EDIL3: variants seen among roughly 807,000 people sequenced by gnomAD.
EDIL3 encodes the protein EGF-like repeat and discoidin I-like domain-containing protein 3.
Under a neutral mutation model 67.4 loss-of-function variants are expected in EDIL3, and 37 were observed. That is an observed-to-expected ratio of 0.55 (90% CI 0.42 to 0.72). The LOEUF (loss-of-function observed/expected upper bound fraction) is 0.72, where lower values mean the gene tolerates loss of function less well. Among genes scored for constraint, EDIL3 ranks in the 30% least tolerant of loss-of-function variants. The pLI is 0.00. For synonymous variants in EDIL3, 195 were observed against 196.3 expected (o/e 0.99, Z 0.05); for missense variants, 527 against 586.3 (o/e 0.90, Z 1.04).
chr5:84,298,805 C>T (rs1746099657), intron 1 of EDIL3, among the ~76,000 whole-genome samples: 2 of 152,122 alleles, frequency 1.3e-5, no homozygotes, highest in Non-Finnish European at 2.9e-5. Flanking sequence ...CCATTCTTGA[C>T]AACACTCTGT....
At chr5:84,171,636 G>A (rs143273700) in intron 4 of EDIL3, among the ~76,000 whole-genome samples, 190 of 152,270 alleles carry the variant, frequency 1.2e-3, no homozygotes, top group Non-Finnish European at 1.7e-3. Context: ...AAGGTTGTGC[G>A]ATTACACATT....
intron 9 of EDIL3, among the ~76,000 whole-genome samples, chr5:84,045,078 G>A (rs1364464289): frequency 6.6e-6 from 1 of 152,134 alleles, no homozygotes; most frequent in Admixed American, 6.6e-5. Context: ...TGGCCATGGG[G>A]AGAATGAGAG....
At chr5:84,020,091 A>AAAAAC (rs397998462) in intron 9 of EDIL3, among the ~76,000 whole-genome samples, 6 of 147,864 alleles carry the variant, frequency 4.1e-5, no homozygotes, top group African/African-American at 9.9e-5. Context: ...AAAAAAAAAA[A>AAAAAC]CGCAACAAAC....
chr5:84,234,892 C>A (rs1377944504), intron 2 of EDIL3, among the ~76,000 whole-genome samples: 2 of 152,070 alleles, frequency 1.3e-5, no homozygotes, highest in Non-Finnish European at 2.9e-5. Context: ...TTTTATTCAA[C>A]TGCAGTGATG....
chr5:84,382,701 ACT>A (rs1266642338), intron 1 of EDIL3, among the ~76,000 whole-genome samples: 1 of 151,872 alleles, frequency 6.6e-6, no homozygotes, highest in Non-Finnish European at 1.5e-5. Context: ...CCGTGGAAGC[ACT>A]CTCTTTTTTA....
At chr5:84,352,494 C>T (rs1471126537) in intron 1 of EDIL3, among the ~76,000 whole-genome samples, 1 of 152,060 alleles carries the variant, frequency 6.6e-6, no homozygotes, top group Admixed American at 6.6e-5. Flanking sequence ...GTCTTTGCAG[C>T]AACATGGATG....
At chr5:84,342,965 C>T (rs988401791) in intron 1 of EDIL3, among the ~76,000 whole-genome samples, 3 of 151,984 alleles carry the variant, frequency 2.0e-5, no homozygotes, top group Non-Finnish European at 4.4e-5. Context: ...CTTTCAGAGC[C>T]GAAAGTAAAC....
At chr5:84,110,059 G>A (rs1372106558) in intron 5 of EDIL3, among the ~76,000 whole-genome samples, 5 of 152,064 alleles carry the variant, frequency 3.3e-5, no homozygotes, top group Admixed American at 1.3e-4. Flanking sequence ...AGCCCCTTTC[G>A]AGTAGGAGCT....
intron 9 of EDIL3, among the ~76,000 whole-genome samples, chr5:84,029,865 G>A (rs1386815361): frequency 6.6e-6 from 1 of 152,090 alleles, no homozygotes; most frequent in Non-Finnish European, 1.5e-5. Context: ...ATTGCACCCA[G>A]GGAAAGATAA....
intron 1 of EDIL3, among the ~76,000 whole-genome samples, chr5:84,381,026 T>C (rs773853483): frequency 3.7e-4 from 57 of 152,122 alleles, no homozygotes; most frequent in Non-Finnish European, 6.8e-4. Flanking sequence ...GACATAGTTT[T>C]AATTTAGAAA....
intron 3 of EDIL3, among the ~76,000 whole-genome samples, chr5:84,197,889 T>TG (rs140701096): frequency 0.011 from 1,748 of 152,106 alleles, 38 homozygotes; most frequent in African/African-American, 0.04. Context: ...AAGAAATGGC[T>TG]ATTGAATACA....
At chr5:83,962,322 G>T (rs889395245) in intron 10 of EDIL3, among the ~76,000 whole-genome samples, 11 of 151,406 alleles carry the variant, frequency 7.3e-5, no homozygotes, top group Non-Finnish European at 1.5e-4. Context: ...GAGAGTTTTT[G>T]TTGATGTCTT....
chr5:84,003,965 A>T (rs1444654731), intron 9 of EDIL3, among the ~76,000 whole-genome samples: 2 of 152,034 alleles, frequency 1.3e-5, no homozygotes, highest in East Asian at 3.9e-4. Flanking sequence ...AACTCAAGGT[A>T]AAAGAATGGA....
chr5:84,366,954 G>C (rs10805817), intron 1 of EDIL3, among the ~76,000 whole-genome samples: 1 of 151,998 alleles, frequency 6.6e-6, no homozygotes, highest in Non-Finnish European at 1.5e-5. Context: ...ATTACATTCA[G>C]ATATATTTTA....
intron 3 of EDIL3, among the ~76,000 whole-genome samples, chr5:84,210,238 C>T (rs954172308): frequency 6.6e-6 from 1 of 151,904 alleles, no homozygotes; most frequent in East Asian, 1.9e-4. Flanking sequence ...CAAAACAAGT[C>T]GATTTTATCA....
intron 1 of EDIL3, among the ~76,000 whole-genome samples, chr5:84,360,199 A>G (rs1449194344): frequency 6.6e-6 from 1 of 152,156 alleles, no homozygotes; most frequent in Non-Finnish European, 1.5e-5. Context: ...GGGGAAAATT[A>G]TGTTTGCTGA....
intron 1 of EDIL3, among the ~76,000 whole-genome samples, chr5:84,337,946 CTATT>C (rs1302549331): frequency 1.3e-5 from 2 of 152,048 alleles, no homozygotes; most frequent in Non-Finnish European, 2.9e-5. Flanking sequence ...ATCTTCTTTT[CTATT>C]TAAGACACGC....
At chr5:84,202,802 A>G (rs1260251150) in intron 3 of EDIL3, among the ~76,000 whole-genome samples, 2 of 152,178 alleles carry the variant, frequency 1.3e-5, no homozygotes, top group Non-Finnish European at 2.9e-5. Flanking sequence ...TCTCACACGT[A>G]CTATGAACTG....
intron 3 of EDIL3, among the ~76,000 whole-genome samples, chr5:84,228,862 T>A (rs748627505): frequency 6.6e-6 from 1 of 152,106 alleles, no homozygotes; most frequent in Non-Finnish European, 1.5e-5. Context: ...ATCTTGTATA[T>A]GAGTTTCAAT....
Sources: allele counts gnomAD v4.1 joint callset (sites outside exome capture counted in the v4.1 genomes callset), GRCh38; gene constraint gnomAD v4.1.1; transcripts MANE v1.5; gene names NCBI Gene and HGNC (gene_info 2026-07-23, HGNC 2026-07-21).